Variants in STRN3 observed in about 807,000 individuals in gnomAD.
STRN3 encodes striatin-3.
In STRN3, 29 loss-of-function variants were observed where a neutral mutation model predicts 95.6. The observed-to-expected ratio is 0.30, with a 90% CI of 0.23 to 0.41. The LOEUF is 0.41. STRN3 is among the 10% of genes least tolerant of loss of function. STRN3 has a pLI of 1.00. For missense variants in STRN3, 890 were observed against 972.1 expected (o/e 0.92, Z 1.12); for synonymous variants, 331 against 357.6 (o/e 0.93, Z 0.84).
intron 1 of STRN3, among the ~76,000 whole-genome samples, chr14:31,022,378 A>T (rs1318592439): frequency 1.4e-5 from 1 of 71,546 alleles, no homozygotes; most frequent in Non-Finnish European, 3.1e-5. Flanking sequence ...GCGAGACTCC[A>T]TCTCAAAAAA....
At chr14:30,917,386 T>C (rs1471148215) in intron 9 of STRN3, among the ~76,000 whole-genome samples, 1 of 152,186 alleles carries the variant, frequency 6.6e-6, no homozygotes, top group Non-Finnish European at 1.5e-5. Flanking sequence ...GTTAAGTCAT[T>C]GGTTTGAAAC....
At chr14:30,914,064 T>C (rs1331202473) in intron 9 of STRN3, among the ~76,000 whole-genome samples, 2 of 152,196 alleles carry the variant, frequency 1.3e-5, no homozygotes, top group Non-Finnish European at 2.9e-5. Context: ...CTCAAGGACC[T>C]CAAAGTAGTC....
intron 1 of STRN3, among the ~76,000 whole-genome samples, chr14:31,007,384 G>A (rs1040486441): frequency 4.6e-5 from 7 of 152,282 alleles, no homozygotes; most frequent in Admixed American, 4.6e-4. Context: ...CCTAACAGTT[G>A]TAGAATCTTT....
At chr14:31,025,819 C>G in intron 1 of STRN3, 85 bp downstream of exon 1, 1 of 1,525,108 alleles carries the variant, frequency 6.6e-7, no homozygotes, top group South Asian at 1.2e-5. Context: ...AAGGCGCCGG[C>G]TCCGGCTGAG....
intron 1 of STRN3, among the ~76,000 whole-genome samples, chr14:30,980,289 A>C (rs1881326931): frequency 6.6e-6 from 1 of 152,172 alleles, no homozygotes; most frequent in African/African-American, 2.4e-5. Flanking sequence ...TTGACAGCAG[A>C]TAATTTTTTA....
intron 14 of STRN3, 100 bp downstream of exon 14, chr14:30,906,775 ATC>A: frequency 8.2e-7 from 1 of 1,218,212 alleles, no homozygotes; most frequent in South Asian, 1.9e-5. Context: ...CATTCAATAT[ATC>A]TCTTTGGAAC....
In STRN3 at chr14:31,025,916, C is replaced by G; in HGVS notation, c.270G>C (p.Arg90=). The change falls in exon 1 of 18, where the codon CGG becomes CGC. Residue 90 remains arginine (R), a synonymous_variant. Transcript: ENST00000357479. The part of the protein sequence containing the change: ...EMERAHWEVE[R]AELQARIAFL... ...CCCAACGAGGTACCTGCAGTTCGGC[C>G]CGTTCCACCTCCCAGTGCGCCCGCT... The G allele has an allele frequency of 1.2e-6, 2 of 1,601,466 alleles. No individual in the cohort carries two copies. Among genetic ancestry groups the G allele is most frequent in the Non-Finnish European group, 1.7e-6 (2 of 1,174,406 alleles).
At position 30,957,999 on chromosome 14, in the gene STRN3, CTAAG is replaced by C. The variant is rs1197270544; in HGVS notation, c.283-1761_283-1758del. Among the ~76,000 whole-genome samples the C allele has an allele frequency of 2.5e-4, 38 of 152,204 alleles. 1 individual carries two copies. The highest frequency in any genetic ancestry group is 8.2e-4 in the African/African-American group (34 of 41,522). On this transcript the variant is annotated intron_variant, in intron 1 of 17. Coordinates refer to ENST00000357479, the MANE Select transcript of STRN3 (RefSeq NM_001083893.2). ...AAATCAAGTCAACTAATAAAAACAC[CTAAG>C]TAATAAATAACTGCTGTCGTCAAAA...
intron 1 of STRN3, among the ~76,000 whole-genome samples, chr14:31,014,969 A>G (rs902955976): frequency 2.6e-5 from 4 of 152,092 alleles, no homozygotes; most frequent in African/African-American, 9.7e-5. Flanking sequence ...GTGGGATTAC[A>G]GGCATGCGCC....
chr14:30,918,451 G>A (rs1401306088), intron 9 of STRN3, among the ~76,000 whole-genome samples: 2 of 151,866 alleles, frequency 1.3e-5, no homozygotes, highest in Non-Finnish European at 2.9e-5. Flanking sequence ...GGAGGTTGCA[G>A]TGAGCCGAGA....
At chr14:30,938,379 G>A (rs1878928797) in intron 5 of STRN3, among the ~76,000 whole-genome samples, 1 of 151,972 alleles carries the variant, frequency 6.6e-6, no homozygotes, top group Non-Finnish European at 1.5e-5. Flanking sequence ...GTAAGTGAAA[G>A]GCAATGAATG....
intron 16 of STRN3, among the ~76,000 whole-genome samples, chr14:30,898,519 C>A (rs1299411236): frequency 6.6e-6 from 1 of 152,174 alleles, no homozygotes; most frequent in Non-Finnish European, 1.5e-5. Flanking sequence ...CACAGAGTCA[C>A]AAAAATCACT....
chr14:30,981,604 A>ACACACACACACACACACC (rs1555323899), intron 1 of STRN3, among the ~76,000 whole-genome samples: 1 of 151,498 alleles, frequency 6.6e-6, no homozygotes, highest in South Asian at 2.1e-4. Flanking sequence ...ACACACACAC[A>ACACACACACACACACACC]CACCCCATAA....
chr14:30,985,200 C>T (rs146484978), intron 1 of STRN3, among the ~76,000 whole-genome samples: 2,567 of 151,006 alleles, frequency 0.017, 59 homozygotes, highest in African/African-American at 0.06. Flanking sequence ...CCCAACTACT[C>T]GGGAGGCTGA....
intron 1 of STRN3, 159 bp downstream of exon 1, chr14:31,025,745 A>C (rs1449874964): frequency 2.0e-6 from 2 of 1,008,656 alleles, no homozygotes; most frequent in East Asian, 5.8e-5. Context: ...GGGGGACTCC[A>C]GGAAAAGCCG....
At chr14:30,978,757 G>C (rs1881238556) in intron 1 of STRN3, among the ~76,000 whole-genome samples, 1 of 152,160 alleles carries the variant, frequency 6.6e-6, no homozygotes, top group African/African-American at 2.4e-5. Flanking sequence ...ATAAAGCTAG[G>C]TGCGGTGGCT....
chr14:30,950,127 T>C (rs943301645), intron 4 of STRN3, among the ~76,000 whole-genome samples: 16 of 151,760 alleles, frequency 1.1e-4, no homozygotes, highest in African/African-American at 3.9e-4. Context: ...CAACCATAGG[T>C]AGAAGAGCTA....
intron 1 of STRN3, among the ~76,000 whole-genome samples, chr14:30,970,148 G>C (rs1035276367): frequency 6.6e-6 from 1 of 152,144 alleles, no homozygotes; most frequent in Non-Finnish European, 1.5e-5. Context: ...TCAAACTACT[G>C]CATTTAATGC....
intron 4 of STRN3, 89 bp downstream of exon 4, chr14:30,950,774 C>T (rs1879599041): frequency 1.6e-6 from 2 of 1,215,572 alleles, no homozygotes; most frequent in East Asian, 4.7e-5. Context: ...CACATTGTCC[C>T]AATATGATTT....
Sources: gnomAD v4.1 joint callset for allele counts (sites outside exome capture counted in the v4.1 genomes callset) on GRCh38, gnomAD v4.1.1 for gene constraint, MANE v1.5 for transcripts, NCBI Gene and HGNC (gene_info 2026-07-23, HGNC 2026-07-21) for gene names.